The following WDTC1 variants were observed in gnomAD, a reference collection of about 807,000 sequenced individuals.
WDTC1 encodes the protein WD and tetratricopeptide repeats protein 1.
WDTC1 carries 12 observed loss-of-function variants against 76.0 expected under a neutral mutation model. That is an observed-to-expected ratio of 0.16 (90% CI 0.10 to 0.26). The LOEUF is 0.26. WDTC1 is among the 10% of genes least tolerant of loss of function. The pLI, the probability that WDTC1 is intolerant of heterozygous loss-of-function variation, is 1.00. For synonymous variants in WDTC1, 326 were observed against 350.8 expected (o/e 0.93, Z 0.79); for missense variants, 511 against 908.8 (o/e 0.56, Z 5.63).
At chr1:27,242,152 A>G (rs1361803272) in intron 1 of WDTC1, among the ~76,000 whole-genome samples, 1 of 152,000 alleles carries the variant, frequency 6.6e-6, no homozygotes, top group Non-Finnish European at 1.5e-5. Context: ...TTGGCCTCCC[A>G]AAGTGTTGGG....
chr1:27,285,515 G>T (rs943777959), intron 5 of WDTC1, among the ~76,000 whole-genome samples: 1 of 152,056 alleles, frequency 6.6e-6, no homozygotes, highest in Non-Finnish European at 1.5e-5. Context: ...TTAAAAAAAA[G>T]ATATTTCAAT....
chr1:27,298,980 G>A (rs1040951105), intron 12 of WDTC1, among the ~76,000 whole-genome samples: 4 of 152,318 alleles, frequency 2.6e-5, no homozygotes, highest in Non-Finnish European at 5.9e-5. Context: ...CTGTCCCCCG[G>A]CCTTAGCTAA....
intron 1 of WDTC1, among the ~76,000 whole-genome samples, chr1:27,259,841 C>T (rs2012416462): frequency 1.4e-5 from 2 of 146,782 alleles, no homozygotes; most frequent in African/African-American, 2.5e-5. Flanking sequence ...AGCAAGATGG[C>T]GAGACTCCAT....
intron 1 of WDTC1, among the ~76,000 whole-genome samples, chr1:27,246,618 A>G (rs1055384938): frequency 6.6e-6 from 1 of 151,184 alleles, no homozygotes; most frequent in Non-Finnish European, 1.5e-5. Context: ...CTGGAGTGCA[A>G]TGGCACGATC....
intron 1 of WDTC1, among the ~76,000 whole-genome samples, chr1:27,249,293 A>G (rs2011957461): frequency 6.8e-6 from 1 of 147,838 alleles, no homozygotes. Context: ...CATATCCTTT[A>G]GCTGTCACTT....
At position 27,306,573 on chromosome 1, in the gene WDTC1, G is replaced by A; in HGVS notation, c.*190G>A. On this transcript the variant is annotated 3_prime_UTR_variant, in exon 16 of 16. Transcript: ENST00000319394. This position sits in a 1 kb window ranked among gnomAD's most constrained non-coding sequence, Gnocchi z 5.0. ...CTGGCTTTCGGACTCTGGGCTGATT[G>A]TCCCCTGACTATCCCCAGCCCTGAA... 1.5e-6 allele frequency: 1 copy of A among 683,268 alleles called. No individual in the cohort carries two copies. Among genetic ancestry groups the A allele is most frequent in the South Asian group, 2.0e-5 (1 of 51,206 alleles). 42.3% of individuals were successfully genotyped at this position (683,268 alleles called of 1,614,324 possible). A position where few individuals can be genotyped will look rare whatever the true frequency, so the allele number is the denominator to read the frequency against.
rs776901388 is a variant in WDTC1 at position 27,303,597 on chromosome 1, C to A, written c.1469-24C>A. 6.4e-7 allele frequency: 1 copy of A among 1,568,688 alleles called. No individual in the cohort carries two copies. Among genetic ancestry groups the A allele is most frequent in the East Asian group, 2.3e-5 (1 of 43,076 alleles). ...AGGAGAGAAAGGAACAAGGCGCTTA[C>A]CTTTTCTGGATCTCTGCCCCCAGAG... On this transcript the variant is annotated intron_variant, in intron 13 of 15. Transcript: ENST00000319394. This position sits in a 1 kb window ranked among gnomAD's most constrained non-coding sequence, Gnocchi z 4.8.
chr1:27,295,425 T>G (rs184593871), intron 9 of WDTC1, among the ~76,000 whole-genome samples: 6 of 152,102 alleles, frequency 3.9e-5, no homozygotes, highest in Admixed American at 3.9e-4. Context: ...TTTGAGGACT[T>G]CTTCATCTTT....
intron 10 of WDTC1, 69 bp from the exon 11 acceptor site, chr1:27,296,979 A>G (rs1469763280): frequency 7.2e-7 from 1 of 1,386,288 alleles, no homozygotes. Flanking sequence ...TGGAAGCTAG[A>G]GGGCTGCCAG....
At position 27,281,012 on chromosome 1, in the gene WDTC1, T is replaced by C. The variant is rs115078764; in HGVS notation, c.133-1227T>C. On this transcript the variant is annotated intron_variant, in intron 3 of 15. Transcript: ENST00000319394. ...AGACAGAGTCTCTCTCTCTTTTTTT[T>C]CAAATCCCCAAGATAAAGACTCTGA... Among the ~76,000 whole-genome samples, 272 of 152,250 alleles carry C rather than the reference T, an allele frequency of 1.8e-3. 2 individuals carry two copies. The highest frequency in any genetic ancestry group is 6.4e-3 in the African/African-American group (264 of 41,558).
At chr1:27,259,004 G>A (rs2012382280) in intron 1 of WDTC1, among the ~76,000 whole-genome samples, 1 of 152,094 alleles carries the variant, frequency 6.6e-6, no homozygotes, top group South Asian at 2.1e-4. Context: ...AGGTGAAAAT[G>A]CCAGGAGGCA....
chr1:27,268,761 C>T (rs560889906), intron 3 of WDTC1, among the ~76,000 whole-genome samples: 1 of 150,132 alleles, frequency 6.7e-6, no homozygotes, highest in Admixed American at 6.7e-5. Flanking sequence ...GTCGCTCAGG[C>T]TGGAGTGCAG....
Position 27,265,292 on chromosome 1 carries a change from A to T in WDTC1, c.132+2057A>T, listed in dbSNP as rs1386875763. Among the ~76,000 whole-genome samples, 3 of 152,180 alleles carry T rather than the reference A, an allele frequency of 2.0e-5. No individual in the cohort carries two copies. In the South Asian group the frequency reaches 6.2e-4, roughly 32 times the overall value. On this transcript the variant is annotated intron_variant, in intron 3 of 15. Coordinates refer to ENST00000319394, the MANE Select transcript of WDTC1 (RefSeq NM_001276252.2). The stretch of plus-strand genomic sequence containing the variant: ...AATGGGCTGAATACAAAAGCAGATG[A>T]GAATCTACTGGTCTTCCATTAAACT...
chr1:27,292,457 T>C lies in WDTC1; in HGVS notation c.662+60T>C. ...AAGTCCCCAGAGAACCTACTGCCCCTTTCCCTCACTGCCATTGCCATGCCC... is the reference window on the plus strand; with the variant it reads ...AAGTCCCCAGAGAACCTACTGCCCCCTTCCCTCACTGCCATTGCCATGCCC... On this transcript the variant is annotated intron_variant, in intron 7 of 15. Coordinates refer to ENST00000319394, the MANE Select transcript of WDTC1 (RefSeq NM_001276252.2). The C allele has an allele frequency of 2.8e-6, 4 of 1,417,980 alleles. No homozygotes were observed. The South Asian group carries it at 6.2e-5, about 22-fold the overall frequency. 87.8% of individuals were successfully genotyped at this position (1,417,980 alleles called of 1,614,324 possible). A position where few individuals can be genotyped will look rare whatever the true frequency, so the allele number is the denominator to read the frequency against.
intron 1 of WDTC1, among the ~76,000 whole-genome samples, chr1:27,237,861 C>CAAAAAAAA (rs11427877): frequency 7.9e-6 from 1 of 126,298 alleles, no homozygotes; most frequent in Non-Finnish European, 1.6e-5. Flanking sequence ...AACTCCATCT[C>CAAAAAAAA]AAAAAAAAAA....
chr1:27,241,061 C>G (rs1037514858), intron 1 of WDTC1, among the ~76,000 whole-genome samples: 1 of 151,938 alleles, frequency 6.6e-6, no homozygotes, highest in Non-Finnish European at 1.5e-5. Context: ...GTCAGAGGCC[C>G]TGTGCAAAGA....
At chr1:27,245,348 C>T (rs1390843654) in intron 1 of WDTC1, among the ~76,000 whole-genome samples, 1 of 151,650 alleles carries the variant, frequency 6.6e-6, no homozygotes, top group East Asian at 1.9e-4. Context: ...TTGGTGCCTG[C>T]TAAGCTTACA....
chr1:27,299,977 A>G (rs2013790637), intron 12 of WDTC1, among the ~76,000 whole-genome samples: 1 of 152,186 alleles, frequency 6.6e-6, no homozygotes, highest in Non-Finnish European at 1.5e-5. Context: ...GGCTCTCCCC[A>G]GGAGCTCAGA....
chr1:27,245,776 G>T (rs2011808694), intron 1 of WDTC1, among the ~76,000 whole-genome samples: 1 of 151,436 alleles, frequency 6.6e-6, no homozygotes, highest in Non-Finnish European at 1.5e-5. Flanking sequence ...CACCATGTTG[G>T]CCAGGCTGGT....
Sources: gnomAD v4.1 joint callset for allele counts (sites outside exome capture counted in the v4.1 genomes callset) on GRCh38, gnomAD v4.1.1 for gene constraint, Gnocchi (gnomAD v3.1) non-coding constraint, MANE v1.5 for transcripts, NCBI Gene and HGNC (gene_info 2026-07-23, HGNC 2026-07-21) for gene names.